Variants in TTC21A observed in about 807,000 individuals in gnomAD.
The protein encoded by TTC21A is tetratricopeptide repeat protein 21A.
TTC21A carries 128 observed loss-of-function variants against 156.4 expected under a neutral mutation model. The ratio of observed to expected loss-of-function variants is 0.82; its 90% CI spans 0.71 to 0.95. TTC21A has a LOEUF of 0.95. TTC21A is among the 40% of genes least tolerant of loss of function. TTC21A has a pLI of 0.00. For missense variants in TTC21A, 1,435 were observed against 1,602.3 expected, an observed-to-expected ratio of 0.90 and a Z score of 1.78; for synonymous variants, 587 against 617.1, an observed-to-expected ratio of 0.95 and a Z score of 0.72.
At chr3:39,132,370 C>T (rs2038787628) in intron 19 of TTC21A, among the ~76,000 whole-genome samples, 1 of 152,164 alleles carries the variant, frequency 6.6e-6, no homozygotes, top group Admixed American at 6.5e-5. Context: ...ATCCGAGAGC[C>T]CCCGGCCATT....
chr3:39,131,686 A>G (rs1345920538), intron 19 of TTC21A: 4 of 152,692 alleles, frequency 2.6e-5, no homozygotes, highest in Admixed American at 2.0e-4. Flanking sequence ...AACTCTCTAA[A>G]GAGTGCAGTG....
Position 39,129,248 on chromosome 3 carries a change from G to A in TTC21A, c.2073G>A (p.Glu691=). ...AGTCCTGCTATATGGAAGCCAGAGA[G>A]AAGATGGCCAACATCTACCTGCAGA... ...PKQSCYMEAR[E]KMANIYLQTL... The change falls in exon 15 of 29, where the codon GAG becomes GAA. Residue 691 remains glutamate (E), a synonymous_variant. Coordinates refer to ENST00000683103, the MANE Select transcript of TTC21A (RefSeq NM_001366900.1). The A allele has an allele frequency of 3.1e-6, 5 of 1,614,252 alleles. No individual in the cohort carries two copies. In the South Asian group the frequency reaches 3.3e-5, roughly 11 times the overall value.
At position 39,120,982 on chromosome 3, in the gene TTC21A, T is replaced by C; in HGVS notation, c.901-15T>C. ...CTGACTGGTTTCCCAATTCCCACCTTCCTGTTTCTTGCAGTGTGGGAGTCA... is the reference window on the plus strand; with the variant it reads ...CTGACTGGTTTCCCAATTCCCACCTCCCTGTTTCTTGCAGTGTGGGAGTCA... On this transcript the variant is annotated splice_polypyrimidine_tract_variant and intron_variant, in intron 8 of 28. Coordinates refer to ENST00000683103, the MANE Select transcript of TTC21A (RefSeq NM_001366900.1). 1.9e-6 allele frequency: 3 copies of C among 1,584,122 alleles called. No homozygotes were observed. The highest frequency in any genetic ancestry group is 2.6e-6 in the Non-Finnish European group (3 of 1,162,662).
intron 5 of TTC21A, among the ~76,000 whole-genome samples, chr3:39,113,006 A>G (rs772305808): frequency 2.6e-5 from 4 of 151,940 alleles, no homozygotes; most frequent in African/African-American, 9.7e-5. Context: ...TATATTTTAT[A>G]TGTTCTGTGT....
Position 39,134,312 on chromosome 3 carries a change from A to G in TTC21A, c.2846A>G (p.His949Arg). The G allele has an allele frequency of 1.2e-6, 2 of 1,613,322 alleles. No individual in the cohort carries two copies. Among genetic ancestry groups the G allele is most frequent in the Non-Finnish European group, 1.7e-6 (2 of 1,179,326 alleles). The stretch of plus-strand genomic sequence containing the variant: ...ATCCTCCTGCAGACTGAGCAGAACC[A>G]TGAGACCGCTTCTGTGGTAGGAAGC... Reference protein sequence around the residue: ...CAILLQTEQNHETASVLMADL... With the variant: ...CAILLQTEQNRETASVLMADL... The change falls in exon 21 of 29, where the codon CAT becomes CGT. Residue 949 changes from histidine (H) to arginine (R), a missense_variant. By Grantham distance (29) the His-to-Arg change is conservative (BLOSUM62 0). Coordinates refer to ENST00000683103, the MANE Select transcript of TTC21A (RefSeq NM_001366900.1). The surrounding 1 kb of genome is among the most constrained non-coding windows in gnomAD (Gnocchi z 4.6).
chr3:39,113,504 C>G (rs907825429), intron 5 of TTC21A, among the ~76,000 whole-genome samples: 1 of 152,148 alleles, frequency 6.6e-6, no homozygotes. Flanking sequence ...CAGGTGTGAC[C>G]TGGGACAAAG....
Position 39,137,326 on chromosome 3 carries a change from C to G in TTC21A, c.3389C>G (p.Thr1130Ser), listed in dbSNP as rs1295201603. 1 of 1,613,982 alleles carries G rather than the reference C, an allele frequency of 6.2e-7. No homozygotes were observed. The highest frequency in any genetic ancestry group is 1.1e-5 in the South Asian group (1 of 91,056). Residue 1130 changes from threonine to serine, a missense_variant, in exon 25 of 29, where the codon ACC (threonine) becomes AGC (serine). By Grantham distance (58) the Thr-to-Ser change is moderately conservative (BLOSUM62 1). Coordinates refer to ENST00000683103, the MANE Select transcript of TTC21A (RefSeq NM_001366900.1). ...RLLQGLCRLATREKANMEAAL... is the reference protein window; with the variant it reads ...RLLQGLCRLASREKANMEAAL... Reference sequence around the variant, plus strand: ...CTGCAGGGCCTCTGCCGGCTGGCCACCAGGGAGAAGGCTAACATGGAGGCT... The same window carrying G: ...CTGCAGGGCCTCTGCCGGCTGGCCAGCAGGGAGAAGGCTAACATGGAGGCT...
At chr3:39,138,409 CA>C (rs2039297730) in intron 27 of TTC21A, 22 bp downstream of exon 27, 1 of 1,613,674 alleles carries the variant, frequency 6.2e-7, no homozygotes, top group Admixed American at 1.7e-5. Context: ...AGCCAGGGTG[CA>C]CGTGAATGGA....
rs374752502 is a variant in TTC21A at position 39,133,048 on chromosome 3, C to T, written c.2563-4C>T. On this transcript the variant is annotated splice_region_variant and splice_polypyrimidine_tract_variant and intron_variant, in intron 19 of 28. Coordinates refer to ENST00000683103, the MANE Select transcript of TTC21A (RefSeq NM_001366900.1). ...TCTGATCCTGGCTTGATTGGTTTCT[C>T]GAGGCCTTGGACCTCCAGTCTCGGA... The T allele has an allele frequency of 4.6e-5, 75 of 1,613,854 alleles. No homozygotes were observed. The highest frequency in any genetic ancestry group is 5.7e-5 in the Non-Finnish European group (67 of 1,179,976).
chr3:39,135,225 C>G, intron 22 of TTC21A, 51 bp downstream of exon 22: 1 of 1,509,884 alleles, frequency 6.6e-7, no homozygotes, highest in Non-Finnish European at 9.2e-7. Flanking sequence ...GAGCAAGGGC[C>G]GCTCTCCCAG....
intron 15 of TTC21A, among the ~76,000 whole-genome samples, chr3:39,129,549 C>T (rs968465141): frequency 1.3e-5 from 2 of 152,226 alleles, no homozygotes; most frequent in African/African-American, 4.8e-5. Flanking sequence ...CCCTCACCTG[C>T]TTGCACATGC....
chr3:39,115,725 C>T (rs1272960981), intron 6 of TTC21A, among the ~76,000 whole-genome samples: 1 of 151,994 alleles, frequency 6.6e-6, no homozygotes, highest in African/African-American at 2.4e-5. Flanking sequence ...ATTTTTATCG[C>T]AATCATTCTA....
intron 20 of TTC21A, among the ~76,000 whole-genome samples, chr3:39,133,939 G>A (rs1230415495): frequency 6.6e-6 from 1 of 152,164 alleles, no homozygotes; most frequent in African/African-American, 2.4e-5. Flanking sequence ...CCAGAGTCTG[G>A]GGCACAGAGG....
chr3:39,110,176 A>AG, intron 3 of TTC21A, 37 bp downstream of exon 3: 1 of 1,518,380 alleles, frequency 6.6e-7, no homozygotes, highest in Non-Finnish European at 9.1e-7. Flanking sequence ...CTGACCCACC[A>AG]GGGGAAGGAA....
At chr3:39,128,182 C>A in intron 12 of TTC21A, 149 bp from the exon 13 acceptor site, 2 of 882,174 alleles carry the variant, frequency 2.3e-6, no homozygotes, top group Non-Finnish European at 3.5e-6. Flanking sequence ...AGAAATGGAC[C>A]CCTGAGTGAA....
chr3:39,115,087 C>T (rs2037165586), intron 6 of TTC21A, among the ~76,000 whole-genome samples: 1 of 152,048 alleles, frequency 6.6e-6, no homozygotes, highest in Admixed American at 6.5e-5. Context: ...GAGAATGAGA[C>T]TAGAATATAT....
At position 39,134,866 on chromosome 3, in the gene TTC21A, A is replaced by C; in HGVS notation, c.2863-227A>C. The C allele has an allele frequency of 1.7e-6, 1 of 589,444 alleles. No individual in the cohort carries two copies. Among genetic ancestry groups the C allele is most frequent in the African/African-American group, 1.9e-5 (1 of 52,664 alleles). 36.5% of individuals were successfully genotyped at this position (589,444 alleles called of 1,614,324 possible). A position where few individuals can be genotyped will look rare whatever the true frequency, so the allele number is the denominator to read the frequency against. On this transcript the variant is annotated intron_variant, in intron 21 of 28. Coordinates refer to ENST00000683103, the MANE Select transcript of TTC21A (RefSeq NM_001366900.1). The surrounding 1 kb of genome is among the most constrained non-coding windows in gnomAD (Gnocchi z 4.6). ...CCTTCCCATGTACATCCTCAACCCA[A>C]CTCTTCTTGCCCCTCACCTTGGGAA...
At chr3:39,124,712 T>C (rs1435070687) in intron 9 of TTC21A, among the ~76,000 whole-genome samples, 1 of 151,318 alleles carries the variant, frequency 6.6e-6, no homozygotes, top group Non-Finnish European at 1.5e-5. Flanking sequence ...TTGATTCCCT[T>C]TGTGTATGTG....
At position 39,120,000 on chromosome 3, in the gene TTC21A, A is replaced by T. The variant is rs569814356; in HGVS notation, c.880A>T (p.Ile294Phe). ...AAATCCAAGCCTCCATCTTAAAAAA[A>T]TTATTGTGGTTAGCCGACTGGTAAG... ...PENPSLHLKK[I>F]IVVSRLCGSH... The change falls in exon 8 of 29, where the codon ATT becomes TTT. Residue 294 changes from isoleucine to phenylalanine, a missense_variant. Ile to Phe is a conservative substitution (Grantham distance 21). Transcript: ENST00000683103. 1.9e-6 allele frequency: 3 copies of T among 1,606,206 alleles called. No homozygotes were observed. The highest frequency in any genetic ancestry group is 1.7e-5 in the Admixed American group (1 of 59,956).
Sources: allele counts gnomAD v4.1 joint callset (sites outside exome capture counted in the v4.1 genomes callset), GRCh38; gene constraint gnomAD v4.1.1; non-coding constraint Gnocchi (gnomAD v3.1); transcripts MANE v1.5; gene names NCBI Gene and HGNC (gene_info 2026-07-23, HGNC 2026-07-21).